The following ATRX variants were observed in gnomAD, a reference collection of about 807,000 sequenced individuals.
The protein encoded by ATRX is chromatin remodeler ATRX.
Under a neutral mutation model 172.6 loss-of-function variants are expected in ATRX, and 12 were observed. That is an observed-to-expected ratio of 0.07 (90% CI 0.04 to 0.11). The LOEUF (loss-of-function observed/expected upper bound fraction) is 0.11, where lower values mean the gene tolerates loss of function less well. Ranked by LOEUF, ATRX falls within the 10% of genes least tolerant of loss-of-function variation. ATRX has a pLI of 1.00. For synonymous variants in ATRX, 674 were observed against 594.7 expected (o/e 1.13, Z -1.94); for missense variants, 1,368 against 1,767.4 (o/e 0.77, Z 4.05).
rs1473609377 is a variant in ATRX, at chrX:77,619,074, T to C, written c.5273-93A>G. 6 of 581,116 alleles carry C rather than the reference T, an allele frequency of 1.0e-5. No homozygotes were observed. The East Asian group carries it at 2.1e-4, about 20-fold the overall frequency. 47.9% of individuals were successfully genotyped at this position (581,116 alleles called of 1,213,427 possible). ...ATGAAATGCTCATGTCAAAAACACA[T>C]GCATTAGAATTAAGCTATAAAGAAA... On this transcript the variant is annotated intron_variant, in intron 20 of 34. Coordinates refer to ENST00000373344, the MANE Select transcript of ATRX (RefSeq NM_000489.6).
chrX:77,765,738 G>T (rs1027104539), intron 1 of ATRX, among the ~76,000 whole-genome samples: 4 of 106,977 alleles, frequency 3.7e-5, no homozygotes, highest in Non-Finnish European at 5.8e-5. Context: ...GTTTCTCGCA[G>T]AGGGGGATTT....
intron 1 of ATRX, among the ~76,000 whole-genome samples, chrX:77,738,359 A>G (rs782148245): frequency 6.4e-4 from 68 of 106,717 alleles, no homozygotes; most frequent in Non-Finnish European, 8.4e-4. Flanking sequence ...ACAATAAATA[A>G]TAATAATAAT....
intron 29 of ATRX, among the ~76,000 whole-genome samples, chrX:77,558,153 A>G (rs1444550595): frequency 9.0e-6 from 1 of 111,115 alleles, no homozygotes; most frequent in African/African-American, 3.3e-5. Context: ...CATATAAACT[A>G]CATTAATTAA....
intron 21 of ATRX, 93 bp from the exon 22 acceptor site, chrX:77,616,823 T>C (rs2067374870): frequency 3.2e-6 from 2 of 624,376 alleles, no homozygotes; most frequent in Non-Finnish European, 5.2e-6. Flanking sequence ...AATATACACA[T>C]AAATAAATAG....
chrX:77,768,358 T>G (rs1326678313), intron 1 of ATRX, among the ~76,000 whole-genome samples: 1 of 111,934 alleles, frequency 8.9e-6, no homozygotes, highest in East Asian at 2.8e-4. Flanking sequence ...TTCCTGCATT[T>G]TAGAAAAGCA....
At chrX:77,633,938 T>G in intron 17 of ATRX, 1 of 385,056 alleles carries the variant, frequency 2.6e-6, no homozygotes, top group Non-Finnish European at 4.5e-6. Flanking sequence ...TCAATGTGAA[T>G]AGTATAAAAT....
chrX:77,687,237 T>G (rs1225795717), intron 7 of ATRX, among the ~76,000 whole-genome samples: 1 of 108,245 alleles, frequency 9.2e-6, no homozygotes, highest in Non-Finnish European at 1.9e-5. Context: ...CTACTAAAGC[T>G]CTACATAAAA....
chrX:77,782,822 T>C (rs1557206187), intron 1 of ATRX, among the ~76,000 whole-genome samples: 1 of 111,667 alleles, frequency 9.0e-6, no homozygotes, highest in East Asian at 2.8e-4. Flanking sequence ...AGGCCCTAGC[T>C]CCAGGATGAC....
chrX:77,586,124 T>C (rs1557076921), intron 27 of ATRX, among the ~76,000 whole-genome samples: 2 of 112,058 alleles, frequency 1.8e-5, no homozygotes, highest in African/African-American at 6.5e-5. Context: ...TTGTATATTT[T>C]TAAATAACTA....
rs1379500030 is a variant in ATRX at position 77,560,766 on chromosome X, A to G, written c.6327-1920T>C. The stretch of plus-strand genomic sequence containing the variant: ...CTGGTATAAAATAAATAGAGATACT[A>G]AATTCATGTTTTATGTCAATTTGGA... On this transcript the variant is annotated intron_variant, in intron 28 of 34. Transcript: ENST00000373344. Among the ~76,000 whole-genome samples, 3 of 111,649 alleles carry G rather than the reference A, an allele frequency of 2.7e-5. No homozygotes were observed. In the East Asian group the frequency reaches 8.4e-4, roughly 31 times the overall value.
At chrX:77,718,712 G>A (rs2073583989) in intron 1 of ATRX, among the ~76,000 whole-genome samples, 1 of 111,106 alleles carries the variant, frequency 9.0e-6, no homozygotes, top group African/African-American at 3.3e-5. Context: ...AGATGTATCT[G>A]TAATTCAACA....
At chrX:77,694,758 C>T (rs2072088542) in intron 5 of ATRX, among the ~76,000 whole-genome samples, 1 of 109,021 alleles carries the variant, frequency 9.2e-6, no homozygotes, top group African/African-American at 3.3e-5. Context: ...TAGTAACTGG[C>T]TATCATTGGC....
chrX:77,773,546 T>C (rs1197596679), intron 1 of ATRX, among the ~76,000 whole-genome samples: 1 of 110,214 alleles, frequency 9.1e-6, no homozygotes, highest in Non-Finnish European at 1.9e-5. Flanking sequence ...GAAGTCAGGA[T>C]ATCGAGACCA....
chrX:77,671,925 T>G (rs782753607), intron 10 of ATRX, among the ~76,000 whole-genome samples: 58 of 111,037 alleles, frequency 5.2e-4, no homozygotes, highest in Non-Finnish European at 9.5e-4. Context: ...ATGTCTTTCC[T>G]GACTGGGAAT....
intron 14 of ATRX, 24 bp downstream of exon 14, chrX:77,654,074 G>A (rs371727620): frequency 8.8e-7 from 1 of 1,132,803 alleles, no homozygotes. Context: ...TATAATTCAA[G>A]CATGTGGTAA....
intron 1 of ATRX, among the ~76,000 whole-genome samples, chrX:77,726,129 AC>A (rs2074022484): frequency 9.0e-6 from 1 of 111,560 alleles, no homozygotes; most frequent in African/African-American, 3.3e-5. Context: ...CTGGGTATAT[AC>A]CCAAAGGATT....
chrX:77,761,347 G>A (rs1430286720), intron 1 of ATRX, among the ~76,000 whole-genome samples: 3 of 109,991 alleles, frequency 2.7e-5, no homozygotes, highest in Admixed American at 9.9e-5. Flanking sequence ...ATACCAGCCT[G>A]GGCAACACGG....
chrX:77,616,578 T>C (rs782731012), intron 22 of ATRX, 35 bp downstream of exon 22: 118 of 1,150,514 alleles, frequency 1.0e-4, no homozygotes, highest in Non-Finnish European at 1.3e-4. Context: ...AATGTCTTTA[T>C]AGAGAAGATG....
chrX:77,785,375 GAT>G (rs1478780262), intron 1 of ATRX, among the ~76,000 whole-genome samples: 2 of 109,770 alleles, frequency 1.8e-5, no homozygotes, highest in Non-Finnish European at 3.8e-5. Context: ...TAAACCCAAG[GAT>G]ATCCTTCAGG....
Sources: allele counts gnomAD v4.1 joint callset (sites outside exome capture counted in the v4.1 genomes callset), GRCh38; gene constraint gnomAD v4.1.1; transcripts MANE v1.5; gene names NCBI Gene and HGNC (gene_info 2026-07-23, HGNC 2026-07-21).